The following UNC5C variants were observed in gnomAD, a reference collection of about 807,000 sequenced individuals.
The protein encoded by UNC5C is netrin receptor UNC5C.
A neutral mutation model predicts 99.8 loss-of-function variants in UNC5C; 47 were observed. That is an observed-to-expected ratio of 0.47 (90% CI 0.37 to 0.60). The LOEUF (loss-of-function observed/expected upper bound fraction) is 0.60, where lower values mean the gene tolerates loss of function less well. Ranked by LOEUF, UNC5C falls within the 20% of genes least tolerant of loss-of-function variation. UNC5C has a pLI of 0.00. For missense variants in UNC5C, 1,062 were observed against 1,165.9 expected, an observed-to-expected ratio of 0.91 and a Z score of 1.30; for synonymous variants, 487 against 452.2, an observed-to-expected ratio of 1.08 and a Z score of -0.98.
chr4:95,359,191 A>G (rs566422404), intron 1 of UNC5C, among the ~76,000 whole-genome samples: 55 of 152,324 alleles, frequency 3.6e-4, no homozygotes, highest in African/African-American at 1.3e-3. Context: ...GAATGATATA[A>G]GAAATTAAGT....
chr4:95,511,993 G>T (rs994591991), intron 1 of UNC5C, among the ~76,000 whole-genome samples: 1 of 152,002 alleles, frequency 6.6e-6, no homozygotes, highest in Non-Finnish European at 1.5e-5. Context: ...TGTTAGATGC[G>T]AAGGAAGTAG....
intron 1 of UNC5C, among the ~76,000 whole-genome samples, chr4:95,387,678 A>C (rs1041433338): frequency 6.6e-6 from 1 of 152,216 alleles, no homozygotes; most frequent in African/African-American, 2.4e-5. Context: ...AACTTTTGTA[A>C]TCTGCCAGTG....
At chr4:95,404,764 AC>A (rs1245473499) in intron 1 of UNC5C, among the ~76,000 whole-genome samples, 2 of 152,192 alleles carry the variant, frequency 1.3e-5, no homozygotes, top group Non-Finnish European at 2.9e-5. Flanking sequence ...CATTTGGCCC[AC>A]CATGCCCTCT....
chr4:95,476,788 T>A (rs1441856285), intron 1 of UNC5C, among the ~76,000 whole-genome samples: 1 of 152,098 alleles, frequency 6.6e-6, no homozygotes, highest in Non-Finnish European at 1.5e-5. Context: ...CTTAACTCTA[T>A]TAGGTGTATA....
intron 1 of UNC5C, among the ~76,000 whole-genome samples, chr4:95,395,354 T>A (rs1372406788): frequency 6.6e-6 from 1 of 152,138 alleles, no homozygotes. Flanking sequence ...TTTGCACAGG[T>A]TTTATCAAAG....
chr4:95,509,935 A>C (rs573664426), intron 1 of UNC5C, among the ~76,000 whole-genome samples: 172 of 152,036 alleles, frequency 1.1e-3, no homozygotes, highest in African/African-American at 4.0e-3. Flanking sequence ...GATAATTACA[A>C]TATTGTTAGA....
intron 1 of UNC5C, among the ~76,000 whole-genome samples, chr4:95,353,465 C>T (rs1297070317): frequency 2.0e-5 from 3 of 151,718 alleles, no homozygotes; most frequent in Admixed American, 6.6e-5. Flanking sequence ...AATTAAAGAA[C>T]CTCAAGTACC....
At chr4:95,484,316 C>T (rs963866327) in intron 1 of UNC5C, among the ~76,000 whole-genome samples, 1 of 151,760 alleles carries the variant, frequency 6.6e-6, no homozygotes, top group Non-Finnish European at 1.5e-5. Flanking sequence ...TTTTTGGCTG[C>T]CCCATTGAGA....
At chr4:95,533,344 C>T (rs1722700833) in intron 1 of UNC5C, among the ~76,000 whole-genome samples, 1 of 151,304 alleles carries the variant, frequency 6.6e-6, no homozygotes, top group South Asian at 2.1e-4. Context: ...TGCAGTGAGC[C>T]GAGATTGCAC....
At chr4:95,524,503 A>G (rs532058221) in intron 1 of UNC5C, among the ~76,000 whole-genome samples, 1 of 152,186 alleles carries the variant, frequency 6.6e-6, no homozygotes, top group Non-Finnish European at 1.5e-5. Flanking sequence ...TGCATAAGAC[A>G]TTTAAAATAA....
At chr4:95,302,024 C>T (rs1315288871) in intron 2 of UNC5C, among the ~76,000 whole-genome samples, 1 of 152,196 alleles carries the variant, frequency 6.6e-6, no homozygotes, top group Admixed American at 6.5e-5. Context: ...TTTCCCAATA[C>T]AGCTTGCTAT....
intron 3 of UNC5C, among the ~76,000 whole-genome samples, chr4:95,279,839 T>C (rs1208609972): frequency 6.6e-6 from 1 of 152,114 alleles, no homozygotes; most frequent in Non-Finnish European, 1.5e-5. Flanking sequence ...TCATGGCAGA[T>C]AATTTTTCCA....
intron 1 of UNC5C, among the ~76,000 whole-genome samples, chr4:95,537,861 G>A (rs896883540): frequency 2.0e-4 from 30 of 151,998 alleles, no homozygotes; most frequent in Admixed American, 5.9e-4. Context: ...TGGGGGGAGC[G>A]TCGTATAGTT....
intron 1 of UNC5C, among the ~76,000 whole-genome samples, chr4:95,526,490 A>G (rs1424760000): frequency 6.6e-6 from 1 of 152,106 alleles, no homozygotes; most frequent in Non-Finnish European, 1.5e-5. Context: ...ATTTTAGTCA[A>G]GCTATACTTT....
At chr4:95,220,278 T>G in intron 7 of UNC5C, 102 bp from the exon 8 acceptor site, 1 of 1,098,268 alleles carries the variant, frequency 9.1e-7, no homozygotes. Context: ...GCCTTTTTTA[T>G]AGGTTAATTT....
At chr4:95,334,746 A>G (rs1367566006) in intron 2 of UNC5C, among the ~76,000 whole-genome samples, 1 of 151,952 alleles carries the variant, frequency 6.6e-6, no homozygotes, top group African/African-American at 2.4e-5. Flanking sequence ...TTTACAGAGC[A>G]GCAAAGTCAG....
intron 1 of UNC5C, among the ~76,000 whole-genome samples, chr4:95,518,899 T>TAG (rs1343394203): frequency 6.6e-6 from 1 of 152,134 alleles, no homozygotes; most frequent in Admixed American, 6.5e-5. Flanking sequence ...ACTACAGAAC[T>TAG]AGAGAGATTG....
In UNC5C at chr4:95,216,220, C is replaced by G; in HGVS notation, c.1646-9G>C. Reference sequence around the variant, plus strand: ...AATCAGCAAGCTGACTCCTGAATAGCAAAAGAGAAAAGCAGTCATTTAAGA... The same window carrying G: ...AATCAGCAAGCTGACTCCTGAATAGGAAAAGAGAAAAGCAGTCATTTAAGA... On this transcript the variant is annotated splice_polypyrimidine_tract_variant and intron_variant, in intron 9 of 15. Coordinates refer to ENST00000453304, the MANE Select transcript of UNC5C (RefSeq NM_003728.4). The G allele has an allele frequency of 6.2e-7, 1 of 1,608,778 alleles. No homozygotes were observed.
At chr4:95,460,097 G>A (rs1747555173) in intron 1 of UNC5C, among the ~76,000 whole-genome samples, 1 of 151,746 alleles carries the variant, frequency 6.6e-6, no homozygotes, top group Admixed American at 6.6e-5. Context: ...CTTTTAAAAA[G>A]GAGTAGGAGT....
Sources: allele counts gnomAD v4.1 joint callset (sites outside exome capture counted in the v4.1 genomes callset), GRCh38; gene constraint gnomAD v4.1.1; transcripts MANE v1.5; gene names NCBI Gene and HGNC (gene_info 2026-07-23, HGNC 2026-07-21).